KIAA1755: variants seen among roughly 807,000 people sequenced by gnomAD.
KIAA1755 encodes KIAA1755, also known as uncharacterized protein KIAA1755.
In KIAA1755, 68 loss-of-function variants were observed where a neutral mutation model predicts 91.7. The ratio of observed to expected loss-of-function variants is 0.74; its 90% CI spans 0.61 to 0.91. KIAA1755 has a LOEUF of 0.91. KIAA1755 is among the 40% of genes least tolerant of loss of function. The pLI is 0.00. For missense variants in KIAA1755, 1,535 were observed against 1,494.4 expected, an observed-to-expected ratio of 1.03 and a Z score of -0.45; for synonymous variants, 610 against 604.6, an observed-to-expected ratio of 1.01 and a Z score of -0.13.
At position 38,251,085 on chromosome 20, in the gene KIAA1755, T is replaced by C. The variant is rs1031377377; in HGVS notation, c.4-4959A>G. On this transcript the variant is annotated intron_variant, in intron 1 of 13. Transcript: ENST00000279024. The stretch of plus-strand genomic sequence containing the variant: ...TATATTACTTATATAAAGTATATTT[T>C]TTGTTTACTGTTTGTATTTCTGTGA... 2.0e-5 allele frequency among the ~76,000 whole-genome samples: 3 copies of C among 152,028 alleles called. 1 individual carries two copies. The South Asian group carries it at 6.2e-4, about 31-fold the overall frequency.
At chr20:38,230,341 C>T (rs2075836976) in intron 5 of KIAA1755, among the ~76,000 whole-genome samples, 1 of 152,228 alleles carries the variant, frequency 6.6e-6, no homozygotes, top group African/African-American at 2.4e-5. Context: ...ATTCAGATGA[C>T]AGCTCAATTA....
At chr20:38,228,883 C>T (rs1284978201) in intron 5 of KIAA1755, among the ~76,000 whole-genome samples, 2 of 152,308 alleles carry the variant, frequency 1.3e-5, no homozygotes, top group Non-Finnish European at 2.9e-5. Context: ...AAACACCCTC[C>T]CTGGTTCAGC....
chr20:38,231,473 A>G (rs937206161), intron 4 of KIAA1755, 148 bp from the exon 5 acceptor site: 3 of 953,204 alleles, frequency 3.1e-6, no homozygotes, highest in Non-Finnish European at 4.5e-6. Flanking sequence ...TCTGACTTCT[A>G]CTTATCCTTC....
At chr20:38,217,200 A>AGCC in intron 13 of KIAA1755, 53 bp downstream of exon 13, 1 of 1,463,174 alleles carries the variant, frequency 6.8e-7, no homozygotes, top group Non-Finnish European at 9.3e-7. Context: ...TCCCCACCAT[A>AGCC]GCCCCAGCCA....
Position 38,213,850 on chromosome 20 carries a change from ATCT to A in KIAA1755, c.2902-110_2902-108del, listed in dbSNP as rs1200467211. 2.4e-5 allele frequency: 18 copies of A among 761,242 alleles called. No individual in the cohort carries two copies. In the East Asian group the frequency reaches 4.9e-4, roughly 21 times the overall value. 47.2% of individuals were successfully genotyped at this position (761,242 alleles called of 1,614,324 possible). Reference sequence around the variant, plus strand: ...CAGGGCCCCGCTCAGCTTGGCCATGATCTTCTCCACTGACCATGATGACCCTGG... The same window carrying A: ...CAGGGCCCCGCTCAGCTTGGCCATGATCTCCACTGACCATGATGACCCTGG... On this transcript the variant is annotated intron_variant, in intron 13 of 13. Transcript: ENST00000279024.
intron 9 of KIAA1755, 144 bp downstream of exon 9, chr20:38,223,394 C>A (rs376288623): frequency 1.7e-6 from 1 of 577,918 alleles, no homozygotes; most frequent in African/African-American, 2.0e-5. Context: ...AAAGTGGGTG[C>A]CCCTCAAATA....
chr20:38,244,416 T>C (rs6024258), intron 2 of KIAA1755, among the ~76,000 whole-genome samples: 8,095 of 152,316 alleles, frequency 0.053, 319 homozygotes, highest in African/African-American at 0.11. Context: ...CCCTGGACTT[T>C]TAGCTGCCAC....
chr20:38,225,762 A>G lies in KIAA1755; in HGVS notation c.2072T>C (p.Leu691Ser), dbSNP rs777169656. The stretch of plus-strand genomic sequence containing the variant: ...GTCCACATGGTGGCTGAGGGCCTTC[A>G]ATGAGGTCAGCACCTCCACCTGCAG... ...PDVQVEVLTS[L>S]KALSHHVDPS... The change falls in exon 8 of 14, where the codon TTG becomes TCG. Residue 691 changes from leucine to serine, a missense_variant. By Grantham distance (145) the Leu-to-Ser change is moderately radical. Coordinates refer to ENST00000279024, the MANE Select transcript of KIAA1755 (RefSeq NM_001029864.2). 4 of 1,587,614 alleles carry G rather than the reference A, an allele frequency of 2.5e-6. No individual in the cohort carries two copies. In the Middle Eastern group the frequency reaches 7.6e-4, roughly 303 times the overall value.
At chr20:38,238,823 T>C (rs1393999401) in intron 4 of KIAA1755, among the ~76,000 whole-genome samples, 2 of 152,212 alleles carry the variant, frequency 1.3e-5, no homozygotes, top group African/African-American at 2.4e-5. Context: ...CTGTATTGGA[T>C]GCTGCTAGTA....
Position 38,213,306 on chromosome 20 carries a change from G to C in KIAA1755, c.3339C>G (p.Pro1113=), listed in dbSNP as rs771540846. 7 of 1,613,536 alleles carry C rather than the reference G, an allele frequency of 4.3e-6. No homozygotes were observed. Among genetic ancestry groups the C allele is most frequent in the Admixed American group, 1.7e-5 (1 of 59,954 alleles). ...LPKSYWPPGP[P]RGEQNRTFQA... ...GGAAAGTTCTGTTCTGTTCCCCTCT[G>C]GGGGGCCCAGGAGGCCAATAGGACT... Residue 1113 remains proline (P), a synonymous_variant, in exon 14 of 14, where the codon CCC becomes CCG. Coordinates refer to ENST00000279024, the MANE Select transcript of KIAA1755 (RefSeq NM_001029864.2).
At chr20:38,238,884 A>C (rs2076004437) in intron 4 of KIAA1755, among the ~76,000 whole-genome samples, 1 of 152,180 alleles carries the variant, frequency 6.6e-6, no homozygotes, top group Non-Finnish European at 1.5e-5. Context: ...CCAGAGTCTG[A>C]AAGTATCAGT....
In KIAA1755 at chr20:38,213,511, C is replaced by A. The variant is rs928541618; in HGVS notation, c.3134G>T (p.Arg1045Leu). Residue 1045 changes from arginine (R) to leucine (L), a missense_variant, in exon 14 of 14, where the codon CGG becomes CTG. Arg to Leu is a moderately radical substitution (Grantham distance 102, BLOSUM62 -2). Coordinates refer to ENST00000279024, the MANE Select transcript of KIAA1755 (RefSeq NM_001029864.2). ...EEARIRHEEI[R>L]MLLEKALTHS... ...GGTCAGTGCCTTCTCCAGGAGCATC[C>A]GGATCTCCTCATGCCTGATCCGGGC... 2 of 1,610,392 alleles carry A rather than the reference C, an allele frequency of 1.2e-6. No individual in the cohort carries two copies. Among genetic ancestry groups the A allele is most frequent in the Non-Finnish European group, 1.7e-6 (2 of 1,178,812 alleles).
At chr20:38,230,683 G>A (rs776046898) in intron 5 of KIAA1755, among the ~76,000 whole-genome samples, 14 of 152,184 alleles carry the variant, frequency 9.2e-5, no homozygotes, top group Non-Finnish European at 1.8e-4. Flanking sequence ...GAGGTTGGGA[G>A]CTCAAGACCA....
At chr20:38,229,127 C>T (rs1189120323) in intron 5 of KIAA1755, among the ~76,000 whole-genome samples, 1 of 152,240 alleles carries the variant, frequency 6.6e-6, no homozygotes, top group African/African-American at 2.4e-5. Flanking sequence ...CCCCCAACTG[C>T]CCTCAAGCCT....
chr20:38,223,561 C>T lies in KIAA1755; in HGVS notation c.2245G>A (p.Ala749Thr). The T allele has an allele frequency of 6.3e-7, 1 of 1,599,062 alleles. No individual in the cohort carries two copies. Among genetic ancestry groups the T allele is most frequent in the Middle Eastern group, 1.7e-4 (1 of 6,016 alleles). The change falls in exon 9 of 14, where the codon GCC becomes ACC. Residue 749 changes from alanine to threonine, a missense_variant. By Grantham distance (58) the Ala-to-Thr change is moderately conservative. Transcript: ENST00000279024. ...ACCTGCATCCCCCCAGGGGGGTCGG[C>T]CTTCTCGAATTCCTCGATGGAAGCT... ...LQASIEEFEK[A>T]DPPGGMQEAT...
At chr20:38,221,674 A>C (rs532115770) in intron 10 of KIAA1755, among the ~76,000 whole-genome samples, 1 of 152,302 alleles carries the variant, frequency 6.6e-6, no homozygotes, top group South Asian at 2.1e-4. Flanking sequence ...CCCTGAGAAA[A>C]ATGCTGGACA....
At chr20:38,238,568 A>G (rs991778142) in intron 4 of KIAA1755, among the ~76,000 whole-genome samples, 2 of 152,140 alleles carry the variant, frequency 1.3e-5, no homozygotes, top group African/African-American at 4.8e-5. Flanking sequence ...CTAAGCCTGA[A>G]CCAGGGGACT....
chr20:38,241,307 T>G lies in KIAA1755; in HGVS notation c.824A>C (p.Tyr275Ser). 1.2e-6 allele frequency: 2 copies of G among 1,614,162 alleles called. No individual in the cohort carries two copies. Among genetic ancestry groups the G allele is most frequent in the Non-Finnish European group, 1.7e-6 (2 of 1,180,030 alleles). Residue 275 changes from tyrosine to serine, a missense_variant, in exon 3 of 14, where the codon TAT becomes TCT. Coordinates refer to ENST00000279024, the MANE Select transcript of KIAA1755 (RefSeq NM_001029864.2). ...TTGGGAAAAGCCTAGGAGAGCCACATAGTCTCCCTCGAAGTCCTGGCTGAC... is the reference window on the plus strand; with the variant it reads ...TTGGGAAAAGCCTAGGAGAGCCACAGAGTCTCCCTCGAAGTCCTGGCTGAC... Reference protein sequence around the residue: ...EVVSQDFEGDYVALLGFSQES... With the variant: ...EVVSQDFEGDSVALLGFSQES...
Position 38,212,177 on chromosome 20 carries a change from T to C in KIAA1755, c.*865A>G, listed in dbSNP as rs1273111271. The C allele has an allele frequency of 6.6e-6, 1 of 152,116 alleles. No homozygotes were observed. Among genetic ancestry groups the C allele is most frequent in the Non-Finnish European group, 1.5e-5 (1 of 68,046 alleles). The allele number at this position is 152,116 out of a possible 1,614,324, so 9.4% of individuals were successfully genotyped here. A position where few individuals can be genotyped will look rare whatever the true frequency, so the allele number is the denominator to read the frequency against. ...AAATAAATAAATAATAAGCTGAGCA[T>C]GGTGGTGCATAACTGTAGTCCCAGC... On this transcript the variant is annotated 3_prime_UTR_variant, in exon 14 of 14. Coordinates refer to ENST00000279024, the MANE Select transcript of KIAA1755 (RefSeq NM_001029864.2).
Sources: allele counts gnomAD v4.1 joint callset (sites outside exome capture counted in the v4.1 genomes callset), GRCh38; gene constraint gnomAD v4.1.1; transcripts MANE v1.5; gene names NCBI Gene and HGNC (gene_info 2026-07-23, HGNC 2026-07-21).